Variants in SCAF11 observed in about 807,000 individuals in gnomAD.
SCAF11 encodes the protein SR-related CTD associated factor 11.
SCAF11 carries 47 observed loss-of-function variants against 140.5 expected under a neutral mutation model. The observed-to-expected ratio is 0.33, with a 90% CI of 0.26 to 0.43. The LOEUF is 0.43. Ranked by LOEUF, SCAF11 falls within the 20% of genes least tolerant of loss-of-function variation. The pLI is 1.00. For missense variants in SCAF11, 1,645 were observed against 1,705.1 expected (o/e 0.96, Z 0.62); for synonymous variants, 557 against 579.4 (o/e 0.96, Z 0.55).
chr12:45,945,061 G>A lies in SCAF11; in HGVS notation c.463+188C>T, dbSNP rs140509615. The A allele has an allele frequency of 2.5e-3, 1,391 of 554,120 alleles. 11 individuals are homozygous for A. Among genetic ancestry groups the A allele is most frequent in the African/African-American group, 0.024 (1,233 of 50,390 alleles). The allele number at this position is 554,120 out of a possible 1,614,324, so 34.3% of individuals were successfully genotyped here. On this transcript the variant is annotated intron_variant, in intron 6 of 14. Transcript: ENST00000369367. ...CACCCCTTTTAAGAGGAGCAAGAAGGAAAAAAGGGGCAGAAAACAGTATAA... is the reference window on the plus strand; with the variant it reads ...CACCCCTTTTAAGAGGAGCAAGAAGAAAAAAAGGGGCAGAAAACAGTATAA...
intron 4 of SCAF11, among the ~76,000 whole-genome samples, chr12:45,949,250 A>T (rs1021042907): frequency 1.3e-5 from 2 of 152,188 alleles, no homozygotes; most frequent in Non-Finnish European, 2.9e-5. Flanking sequence ...GTCACTAGCC[A>T]CATATGGCCA....
intron 6 of SCAF11, among the ~76,000 whole-genome samples, chr12:45,938,819 A>G (rs1945230188): frequency 6.7e-6 from 1 of 150,232 alleles, no homozygotes; most frequent in African/African-American, 2.5e-5. Flanking sequence ...AGACATAATT[A>G]GATGGATCTA....
At chr12:45,949,927 T>G (rs1033439764) in intron 4 of SCAF11, among the ~76,000 whole-genome samples, 7 of 152,108 alleles carry the variant, frequency 4.6e-5, no homozygotes, top group Non-Finnish European at 1.0e-4. Flanking sequence ...TGAAAGAATT[T>G]AAATGAAGAT....
At chr12:45,961,475 CT>C (rs1376401887) in intron 3 of SCAF11, 16 of 578,740 alleles carry the variant, frequency 2.8e-5, no homozygotes, top group East Asian at 8.6e-5. Flanking sequence ...AGGTTATTAA[CT>C]TTTTTTAAAA....
intron 6 of SCAF11, among the ~76,000 whole-genome samples, chr12:45,937,997 T>C (rs933942986): frequency 1.3e-5 from 2 of 152,168 alleles, no homozygotes; most frequent in Non-Finnish European, 2.9e-5. Flanking sequence ...CAAACTCAAC[T>C]TGCTAAGGTT....
Position 45,960,320 on chromosome 12 carries a change from A to T in SCAF11, c.219+1380T>A, listed in dbSNP as rs1945795947. The T allele has an allele frequency of 3.3e-5, 5 of 152,264 alleles. No homozygotes were observed. In the South Asian group the frequency reaches 1.0e-3, roughly 32 times the overall value. 9.4% of individuals were successfully genotyped at this position (152,264 alleles called of 1,614,324 possible). A position where few individuals can be genotyped will look rare whatever the true frequency, so the allele number is the denominator to read the frequency against. ...CTCCGATTAAGTTGTTGAAATTCACAATTATGTGGTCACCAAATACAATCT... is the reference window on the plus strand; with the variant it reads ...CTCCGATTAAGTTGTTGAAATTCACTATTATGTGGTCACCAAATACAATCT... On this transcript the variant is annotated intron_variant, in intron 3 of 14. Coordinates refer to ENST00000369367, the MANE Select transcript of SCAF11 (RefSeq NM_004719.3).
chr12:45,990,248 C>T (rs10785595), intron 1 of SCAF11, 105 bp downstream of exon 1: 576,196 of 1,224,650 alleles, frequency 0.47, 140,201 homozygotes, highest in South Asian at 0.52. Context: ...TGTCAGCCCT[C>T]GCGTCGCCCT....
intron 1 of SCAF11, among the ~76,000 whole-genome samples, chr12:45,989,193 T>C (rs1565699044): frequency 1.3e-5 from 2 of 152,228 alleles, no homozygotes; most frequent in Non-Finnish European, 2.9e-5. Context: ...ACTGCCCTGA[T>C]ATTCTGCTGC....
Position 45,964,088 on chromosome 12 carries a change from T to C in SCAF11, c.61+19A>G, listed in dbSNP as rs78427791. 4.5e-6 allele frequency: 6 copies of C among 1,330,444 alleles called. No individual in the cohort carries two copies. The highest frequency in any genetic ancestry group is 5.4e-6 in the Non-Finnish European group (5 of 934,424). The allele number at this position is 1,330,444 out of a possible 1,614,324, so 82.4% of individuals were successfully genotyped here. On this transcript the variant is annotated intron_variant, in intron 2 of 14. Coordinates refer to ENST00000369367, the MANE Select transcript of SCAF11 (RefSeq NM_004719.3). Reference sequence around the variant, plus strand: ...TGTTTTGCTTTCAACAAACAAACTTTATAAAAATGAAAAGTTACCTTCCAT... The same window carrying C: ...TGTTTTGCTTTCAACAAACAAACTTCATAAAAATGAAAAGTTACCTTCCAT...
upstream of SCAF11, chr12:45,992,032 C>T (rs11574952): frequency 0.28 from 361,504 of 1,288,654 alleles, 52,395 homozygotes; most frequent in East Asian, 0.4. Context: ...GCCGACCGAC[C>T]GCTTCACTGC....
At chr12:45,934,116 A>C (rs912807556) in intron 8 of SCAF11, 60 bp downstream of exon 8, 24 of 902,856 alleles carry the variant, frequency 2.7e-5, no homozygotes, top group Middle Eastern at 3.1e-4. Context: ...TTCTAGCAAA[A>C]GTTAATAATT....
Position 45,964,183 on chromosome 12 carries a change from G to A in SCAF11, c.-16C>T. On this transcript the variant is annotated 5_prime_UTR_variant, in exon 2 of 15. Transcript: ENST00000369367. Reference sequence around the variant, plus strand: ...TCTTCTTCATTTCTCTTTGGAAAAGGGTTTCCTATAAGATAAATTATAATA... The same window carrying A: ...TCTTCTTCATTTCTCTTTGGAAAAGAGTTTCCTATAAGATAAATTATAATA... 1 of 1,427,490 alleles carries A rather than the reference G, an allele frequency of 7.0e-7. No individual in the cohort carries two copies. Among genetic ancestry groups the A allele is most frequent in the Non-Finnish European group, 9.8e-7 (1 of 1,022,462 alleles). The allele number at this position is 1,427,490 out of a possible 1,614,324, so 88.4% of individuals were successfully genotyped here. A position where few individuals can be genotyped will look rare whatever the true frequency, so the allele number is the denominator to read the frequency against.
intron 1 of SCAF11, among the ~76,000 whole-genome samples, chr12:45,982,911 C>T (rs1946379738): frequency 6.6e-6 from 1 of 152,126 alleles, no homozygotes; most frequent in South Asian, 2.1e-4. Flanking sequence ...CTTCCCGGTA[C>T]AAGGAGTAGA....
At chr12:45,939,135 A>G (rs561196265) in intron 6 of SCAF11, among the ~76,000 whole-genome samples, 19 of 151,702 alleles carry the variant, frequency 1.3e-4, no homozygotes, top group Non-Finnish European at 2.1e-4. Context: ...TAATTTTACT[A>G]AAGTCACAGG....
At chr12:45,948,378 T>C (rs1254880661) in intron 5 of SCAF11, 59 bp downstream of exon 5, 15 of 1,082,858 alleles carry the variant, frequency 1.4e-5, no homozygotes, top group Non-Finnish European at 2.1e-5. Flanking sequence ...ATACCTTTTT[T>C]GTACTAGTTA....
At position 45,931,581 on chromosome 12, in the gene SCAF11, C is replaced by T. The variant is rs762927427; in HGVS notation, c.766G>A (p.Glu256Lys). Residue 256 changes from glutamate to lysine, a missense_variant, in exon 10 of 15, where the codon GAA becomes AAA. This residue lies in a region of SCAF11 where 1,582 missense variants were observed against 1,609.2 expected (regional missense o/e 0.98). Coordinates refer to ENST00000369367, the MANE Select transcript of SCAF11 (RefSeq NM_004719.3). ...ACAGAAGAAATGAGAGGAAGGACTT[C>T]TGTTTCAACATTCCAGGGTATAAAA... ...IGFIPWNVET[E>K]VLPLISSVLP... 2 of 1,537,792 alleles carry T rather than the reference C, an allele frequency of 1.3e-6. No homozygotes were observed. Among genetic ancestry groups the T allele is most frequent in the Non-Finnish European group, 1.7e-6 (2 of 1,149,724 alleles).
intron 1 of SCAF11, among the ~76,000 whole-genome samples, chr12:45,969,842 T>C (rs1592214581): frequency 1.3e-5 from 2 of 152,164 alleles, no homozygotes; most frequent in Non-Finnish European, 2.9e-5. Flanking sequence ...GCTCAAGCAA[T>C]CCTCCTGCCT....
intron 1 of SCAF11, among the ~76,000 whole-genome samples, chr12:45,983,081 A>G (rs770712333): frequency 2.6e-5 from 4 of 152,222 alleles, no homozygotes; most frequent in Admixed American, 6.5e-5. Context: ...ATAAAGTGCA[A>G]AAAGTTAATG....
rs766193091 is a variant in SCAF11, at chr12:45,926,138, T to C, written c.3559+4A>G. 6.3e-7 allele frequency: 1 copy of C among 1,598,390 alleles called. No homozygotes were observed. The highest frequency in any genetic ancestry group is 1.1e-5 in the South Asian group (1 of 89,050). ...GTATCAATAAACCAACAAGAATACA[T>C]TACCCTGTCCAGATGTTTCCTCCTC... On this transcript the variant is annotated splice_donor_region_variant and intron_variant, in intron 11 of 14. Transcript: ENST00000369367.
Sources: gnomAD v4.1 joint callset for allele counts (sites outside exome capture counted in the v4.1 genomes callset) on GRCh38, gnomAD v4.1.1 for gene constraint, gnomAD v4.1.1 regional missense constraint, MANE v1.5 for transcripts, NCBI Gene and HGNC (gene_info 2026-07-23, HGNC 2026-07-21) for gene names.